The following FERMT1 variants were observed in gnomAD, a reference collection of about 807,000 sequenced individuals.
The protein encoded by FERMT1 is FERM domain containing kindlin 1.
In FERMT1, 60 loss-of-function variants were observed where a neutral mutation model predicts 85.3. The observed-to-expected ratio is 0.70, with a 90% CI of 0.57 to 0.87. FERMT1 has a LOEUF of 0.87. Ranked by LOEUF, FERMT1 falls within the 40% of genes least tolerant of loss-of-function variation. The pLI is 0.00. For synonymous variants in FERMT1, 275 were observed against 301.1 expected (o/e 0.91, Z 0.90); for missense variants, 701 against 818.9 (o/e 0.86, Z 1.76).
intron 9 of FERMT1, among the ~76,000 whole-genome samples, chr20:6,090,368 C>T (rs1413112823): frequency 6.6e-6 from 1 of 152,144 alleles, no homozygotes; most frequent in Middle Eastern, 3.2e-3. Context: ...CCACCACGCC[C>T]AGCTGGGACA....
chr20:6,118,892 TG>T (rs1402409093), intron 2 of FERMT1, among the ~76,000 whole-genome samples: 2 of 152,034 alleles, frequency 1.3e-5, no homozygotes, highest in African/African-American at 4.8e-5. Context: ...CCATCCCTGT[TG>T]AAGTCCAGCA....
intron 5 of FERMT1, among the ~76,000 whole-genome samples, chr20:6,109,902 CAAAAA>C (rs11436082): frequency 2.4e-5 from 3 of 123,606 alleles, no homozygotes; most frequent in Non-Finnish European, 5.2e-5. Flanking sequence ...AACTCCATCT[CAAAAA>C]AAAAAAAAAA....
chr20:6,094,812 T>C (rs1982458404), intron 9 of FERMT1, 127 bp downstream of exon 9: 2 of 713,952 alleles, frequency 2.8e-6, no homozygotes, highest in Non-Finnish European at 5.2e-6. Context: ...GTTTGTCTGA[T>C]GGCAAAGCGC....
intron 13 of FERMT1, among the ~76,000 whole-genome samples, chr20:6,080,666 T>C (rs1304262481): frequency 6.6e-6 from 1 of 152,168 alleles, no homozygotes; most frequent in South Asian, 2.1e-4. Context: ...GAGTTGCCTA[T>C]GGGCAGGATG....
At chr20:6,112,990 C>T (rs1408075394) in intron 3 of FERMT1, among the ~76,000 whole-genome samples, 1 of 152,184 alleles carries the variant, frequency 6.6e-6, no homozygotes, top group Non-Finnish European at 1.5e-5. Flanking sequence ...CCAACTTTAC[C>T]TCCCTCTCCC....
In FERMT1 at chr20:6,097,599, C is replaced by T. The variant is rs149893089; in HGVS notation, c.882G>A (p.Glu294=). The T allele has an allele frequency of 4.2e-4, 682 of 1,613,922 alleles. No homozygotes were observed. Among genetic ancestry groups the T allele is most frequent in the Non-Finnish European group, 5.3e-4 (631 of 1,179,924 alleles). The part of the protein sequence containing the change: ...YDAVRINQLY[E]QARWAILLEE... ...CTAAGAGAATGGCCCACCTGGCTTG[C>T]TCATAGAGTTGGTTTATTCGGACAG... is the stretch of plus-strand genomic sequence containing the variant. The change falls in exon 7 of 15, where the codon GAG becomes GAA. Residue 294 remains glutamate (E), a synonymous_variant. Transcript: ENST00000217289.
intron 8 of FERMT1, among the ~76,000 whole-genome samples, chr20:6,095,373 A>G (rs1007639805): frequency 6.6e-6 from 1 of 152,266 alleles, no homozygotes; most frequent in South Asian, 2.1e-4. Flanking sequence ...GATGAAAAAA[A>G]TGAAAAAGTG....
At chr20:6,116,127 T>G (rs930678535) in intron 2 of FERMT1, 83 bp from the exon 3 acceptor site, 4 of 953,790 alleles carry the variant, frequency 4.2e-6, no homozygotes, top group South Asian at 4.2e-5. Context: ...AATTTCATTG[T>G]GTGCGAAAAT....
intron 5 of FERMT1, among the ~76,000 whole-genome samples, chr20:6,109,412 A>G (rs1375856184): frequency 2.0e-5 from 3 of 152,346 alleles, no homozygotes; most frequent in African/African-American, 2.4e-5. Context: ...GCACGGGGCC[A>G]TGGGAGCATG....
Position 6,119,544 on chromosome 20 carries a change from G to T in FERMT1, c.11C>A (p.Ser4Tyr), listed in dbSNP as rs1242138027. 1.2e-6 allele frequency: 2 copies of T among 1,614,062 alleles called. No individual in the cohort carries two copies. The highest frequency in any genetic ancestry group is 8.5e-7 in the Non-Finnish European group (1 of 1,179,958). ...CCAGGAAGCAAATGTAAAGTCAGTGGATGACAGCATTGTGGCAAATGCTGG... is the reference window on the plus strand; with the variant it reads ...CCAGGAAGCAAATGTAAAGTCAGTGTATGACAGCATTGTGGCAAATGCTGG... Reference protein sequence around the residue: MLSSTDFTFASWEL... With the variant: MLSYTDFTFASWEL... Residue 4 changes from serine (S) to tyrosine (Y), a missense_variant, in exon 2 of 15, where the codon TCC (serine) becomes TAC (tyrosine). Transcript: ENST00000217289.
In FERMT1 at chr20:6,075,063, T is replaced by G. The variant is rs1226559030; in HGVS notation, c.*2110A>C. The G allele has an allele frequency of 1.3e-5, 2 of 151,850 alleles. No individual in the cohort carries two copies. Among genetic ancestry groups the G allele is most frequent in the Non-Finnish European group, 2.9e-5 (2 of 67,952 alleles). The allele number at this position is 151,850 out of a possible 1,614,324, so 9.4% of individuals were successfully genotyped here. A position where few individuals can be genotyped will look rare whatever the true frequency, so the allele number is the denominator to read the frequency against. On this transcript the variant is annotated 3_prime_UTR_variant, in exon 15 of 15. Transcript: ENST00000217289. ...CATTTAGGTTTGTTTTTTTTTTTTT[T>G]TGTCACACTTGTTTATTTCTTTGGG...
At chr20:6,093,485 T>C (rs1182209027) in intron 9 of FERMT1, among the ~76,000 whole-genome samples, 2 of 152,210 alleles carry the variant, frequency 1.3e-5, no homozygotes, top group Non-Finnish European at 2.9e-5. Flanking sequence ...ACCATTTGGT[T>C]CATGAGGGGC....
At chr20:6,113,090 TG>T (rs1233765927) in intron 3 of FERMT1, among the ~76,000 whole-genome samples, 1 of 152,086 alleles carries the variant, frequency 6.6e-6, no homozygotes, top group Non-Finnish European at 1.5e-5. Flanking sequence ...GGGAGGTAAT[TG>T]AATCATGGGG....
chr20:6,088,733 C>T (rs1395934548), intron 10 of FERMT1, among the ~76,000 whole-genome samples: 1 of 151,458 alleles, frequency 6.6e-6, no homozygotes, highest in Non-Finnish European at 1.5e-5. Context: ...AAGTGGTCCT[C>T]CTGCCTCAGC....
chr20:6,093,467 C>T (rs17224602), intron 9 of FERMT1, among the ~76,000 whole-genome samples: 13,578 of 152,236 alleles, frequency 0.089, 772 homozygotes, highest in Middle Eastern at 0.19. Context: ...TATAGGAAGG[C>T]TACAGTCACC....
rs181466178 is a variant in FERMT1 at position 6,080,102 on chromosome 20, G to A, written c.1719-525C>T. 2.4e-3 allele frequency among the ~76,000 whole-genome samples: 368 copies of A among 152,278 alleles called. 1 individual carries two copies. Among genetic ancestry groups the A allele is most frequent in the African/African-American group, 8.4e-3 (348 of 41,546 alleles). On this transcript the variant is annotated intron_variant, in intron 13 of 14. Transcript: ENST00000217289. ...GGATATGCATGAGGATGTGAGCCGC[G>A]TGGATATCTGGGGAAAGAGTATTCC... is the stretch of plus-strand genomic sequence containing the variant.
intron 6 of FERMT1, among the ~76,000 whole-genome samples, chr20:6,100,545 T>C (rs1441173813): frequency 1.3e-5 from 2 of 152,228 alleles, no homozygotes; most frequent in Admixed American, 1.3e-4. Flanking sequence ...GTTGCACAAC[T>C]CTGAATATAC....
intron 6 of FERMT1, among the ~76,000 whole-genome samples, chr20:6,106,692 G>A (rs1159678124): frequency 1.3e-5 from 2 of 152,190 alleles, no homozygotes; most frequent in South Asian, 2.1e-4. Flanking sequence ...GACTTCAGGG[G>A]GAGATGTGCA....
At position 6,084,044 on chromosome 20, in the gene FERMT1, C is replaced by G; in HGVS notation, c.1714G>C (p.Val572Leu). The change falls in exon 13 of 15, where the codon GTC becomes CTC. Residue 572 changes from valine (V) to leucine (L), a missense_variant. Transcript: ENST00000217289. Reference sequence around the variant, plus strand: ...ACAAGTGAACATTGTAATCACCTGACAAGGTAGTAGGTGAGGCCAAACTCA... The same window carrying G: ...ACAAGTGAACATTGTAATCACCTGAGAAGGTAGTAGGTGAGGCCAAACTCA... ...LPEFGLTYYL[V>L]RFKGSKKDDI... The G allele has an allele frequency of 1.9e-6, 3 of 1,614,128 alleles. No individual in the cohort carries two copies. The highest frequency in any genetic ancestry group is 2.5e-6 in the Non-Finnish European group (3 of 1,180,014).
Sources: gnomAD v4.1 joint callset for allele counts (sites outside exome capture counted in the v4.1 genomes callset) on GRCh38, gnomAD v4.1.1 for gene constraint, MANE v1.5 for transcripts, NCBI Gene and HGNC (gene_info 2026-07-23, HGNC 2026-07-21) for gene names.